The following ABI3BP variants were observed in gnomAD, a reference collection of about 807,000 sequenced individuals.
The protein encoded by ABI3BP is ABI family member 3 binding protein.
A neutral mutation model predicts 268.6 loss-of-function variants in ABI3BP; 216 were observed. The ratio of observed to expected loss-of-function variants is 0.80; its 90% CI spans 0.72 to 0.90. ABI3BP has a LOEUF of 0.90. ABI3BP is among the 40% of genes least tolerant of loss of function. The probability of loss-of-function intolerance (pLI) is 0.00; values close to 1 mark genes in which losing one functional copy is unlikely to be tolerated. For synonymous variants in ABI3BP, 730 were observed against 730.0 expected (o/e 1.00, Z 0.00); for missense variants, 2,090 against 2,182.4 (o/e 0.96, Z 0.84).
chr3:100,810,291 G>T (rs2097825778), intron 49 of ABI3BP, 121 bp downstream of exon 49: 1 of 760,412 alleles, frequency 1.3e-6, no homozygotes, highest in Non-Finnish European at 2.1e-6. Flanking sequence ...AGACAGGTAG[G>T]ATTACCCATC....
At chr3:100,792,444 A>G (rs557374356) in intron 55 of ABI3BP, among the ~76,000 whole-genome samples, 3 of 151,854 alleles carry the variant, frequency 2.0e-5, no homozygotes, top group Non-Finnish European at 4.4e-5. Flanking sequence ...TTCCACTCTT[A>G]GTTATAAGCA....
chr3:100,835,543 G>C (rs2098563324), intron 28 of ABI3BP, 58 bp downstream of exon 28: 5 of 1,322,238 alleles, frequency 3.8e-6, no homozygotes, highest in Non-Finnish European at 5.2e-6. Context: ...AATAGTGATG[G>C]AATAGACTAG....
intron 57 of ABI3BP, among the ~76,000 whole-genome samples, chr3:100,787,519 G>C (rs1306052172): frequency 4.6e-5 from 7 of 151,998 alleles, no homozygotes; most frequent in African/African-American, 1.7e-4. Flanking sequence ...TAGTAGACTA[G>C]GTTTAGAAAA....
At chr3:100,991,890 G>A (rs958072326) in intron 1 of ABI3BP, among the ~76,000 whole-genome samples, 9 of 152,032 alleles carry the variant, frequency 5.9e-5, no homozygotes, top group African/African-American at 2.2e-4. Flanking sequence ...CAGTAACAAA[G>A]TTGCACCTAT....
intron 51 of ABI3BP, among the ~76,000 whole-genome samples, chr3:100,800,181 G>A (rs1272313470): frequency 1.3e-5 from 2 of 149,950 alleles, no homozygotes; most frequent in Non-Finnish European, 3.0e-5. Context: ...CTAGATTGTT[G>A]CAAACCTACT....
intron 1 of ABI3BP, among the ~76,000 whole-genome samples, chr3:100,944,439 G>A (rs769569041): frequency 6.6e-6 from 1 of 152,048 alleles, no homozygotes; most frequent in Non-Finnish European, 1.5e-5. Flanking sequence ...ACAGGACAAA[G>A]CAGAAAATGT....
chr3:100,975,804 TA>T (rs578029748), intron 1 of ABI3BP, among the ~76,000 whole-genome samples: 2 of 151,564 alleles, frequency 1.3e-5, no homozygotes, highest in South Asian at 4.2e-4. Context: ...TACTAGTAAA[TA>T]AAAAAACCCC....
Position 100,849,302 on chromosome 3 carries a change from T to C in ABI3BP, c.1502-427A>G, listed in dbSNP as rs570872298. 2.7e-5 allele frequency among the ~76,000 whole-genome samples: 4 copies of C among 149,282 alleles called. No individual in the cohort carries two copies. The South Asian group carries it at 6.4e-4, about 24-fold the overall frequency. Reference sequence around the variant, plus strand: ...AGTGCGTGGCGCAACCTTGGCTCACTGTAACCTTGGTTTCCCGAGTTCAAG... The same window carrying C: ...AGTGCGTGGCGCAACCTTGGCTCACCGTAACCTTGGTTTCCCGAGTTCAAG... On this transcript the variant is annotated intron_variant, in intron 17 of 67. Transcript: ENST00000471714.
At chr3:100,780,273 G>T in intron 57 of ABI3BP, 64 bp from the exon 58 acceptor site, 1 of 1,472,288 alleles carries the variant, frequency 6.8e-7, no homozygotes, top group South Asian at 1.2e-5. Flanking sequence ...AAACTTGGTA[G>T]AGTTGCCAGT....
chr3:100,865,904 T>A (rs1284995662), intron 10 of ABI3BP, among the ~76,000 whole-genome samples: 1 of 152,122 alleles, frequency 6.6e-6, no homozygotes, highest in Non-Finnish European at 1.5e-5. Context: ...TCCAAATGGG[T>A]CACTCCAGTA....
At chr3:100,789,567 T>C in intron 55 of ABI3BP, 51 bp from the exon 56 acceptor site, 1 of 1,529,792 alleles carries the variant, frequency 6.5e-7, no homozygotes, top group Non-Finnish European at 8.9e-7. Context: ...CAAAGCCTCC[T>C]GAATGGAGAT....
intron 50 of ABI3BP, among the ~76,000 whole-genome samples, chr3:100,805,523 C>A (rs1222768608): frequency 6.6e-6 from 1 of 152,024 alleles, no homozygotes; most frequent in Non-Finnish European, 1.5e-5. Flanking sequence ...TCTATGATTT[C>A]AAAAATGCCT....
Position 100,847,599 on chromosome 3 carries a change from T to C in ABI3BP, c.1648+3A>G, listed in dbSNP as rs764234133. The C allele has an allele frequency of 3.1e-6, 5 of 1,606,986 alleles. No individual in the cohort carries two copies. The highest frequency in any genetic ancestry group is 4.3e-6 in the Non-Finnish European group (5 of 1,173,558). On this transcript the variant is annotated splice_donor_region_variant and intron_variant, in intron 19 of 67. Transcript: ENST00000471714. ...ACATCTACTAAGGACATATCATTAT[T>C]ACCCGGTGTTGTCCATGTAGGTTCA...
intron 55 of ABI3BP, among the ~76,000 whole-genome samples, chr3:100,791,709 G>GT (rs2097202313): frequency 6.6e-6 from 1 of 151,624 alleles, no homozygotes; most frequent in Non-Finnish European, 1.5e-5. Flanking sequence ...AGTTTAAAAC[G>GT]TAACAAAAAG....
chr3:100,960,984 A>G (rs1562083320), intron 1 of ABI3BP, among the ~76,000 whole-genome samples: 1 of 152,214 alleles, frequency 6.6e-6, no homozygotes, highest in Non-Finnish European at 1.5e-5. Flanking sequence ...CAGACTTCTG[A>G]CCTACAGAGC....
intron 33 of ABI3BP, among the ~76,000 whole-genome samples, chr3:100,829,037 C>T (rs1330284355): frequency 6.6e-6 from 1 of 152,066 alleles, no homozygotes; most frequent in African/African-American, 2.4e-5. Flanking sequence ...GAGAAACTGC[C>T]TCCTCAGGCT....
chr3:100,843,531 G>A (rs2152957003), intron 20 of ABI3BP: 12 of 950,836 alleles, frequency 1.3e-5, no homozygotes, highest in Non-Finnish European at 1.5e-5. Flanking sequence ...GTGTGTGTGT[G>A]TGTGTGTGTG....
intron 50 of ABI3BP, among the ~76,000 whole-genome samples, chr3:100,806,242 T>G (rs758848653): frequency 5.3e-5 from 8 of 152,088 alleles, no homozygotes; most frequent in African/African-American, 9.7e-5. Flanking sequence ...ATGAACAAAA[T>G]TTGTTGCGCT....
intron 14 of ABI3BP, among the ~76,000 whole-genome samples, chr3:100,858,615 C>T (rs1580795161): frequency 6.6e-6 from 1 of 152,256 alleles, no homozygotes; most frequent in African/African-American, 2.4e-5. Flanking sequence ...GCAAAATAAA[C>T]TTTACAAAAA....
Sources: allele counts gnomAD v4.1 joint callset (sites outside exome capture counted in the v4.1 genomes callset), GRCh38; gene constraint gnomAD v4.1.1; transcripts MANE v1.5; gene names NCBI Gene and HGNC (gene_info 2026-07-23, HGNC 2026-07-21).